UGT2B4: variants seen among roughly 807,000 people sequenced by gnomAD.
UGT2B4 encodes UDP glucuronosyltransferase family 2 member B4, also known as UDP-glucuronosyltransferase 2B4.
UGT2B4 carries 49 observed loss-of-function variants against 49.8 expected under a neutral mutation model. That is an observed-to-expected ratio of 0.98 (90% confidence interval 0.78 to 1.25). The LOEUF is 1.25. Ranked by LOEUF, UGT2B4 falls within the 50% of genes most tolerant of loss-of-function variation. UGT2B4 has a pLI of 0.00. For missense variants in UGT2B4, 729 were observed against 627.7 expected, an observed-to-expected ratio of 1.16 and a Z score of -1.73; for synonymous variants, 246 against 217.7, an observed-to-expected ratio of 1.13 and a Z score of -1.14.
chr4:69,494,820 A>G (rs539822876), intron 1 of UGT2B4, among the ~76,000 whole-genome samples: 1 of 152,304 alleles, frequency 6.6e-6, no homozygotes, highest in African/African-American at 2.4e-5. Flanking sequence ...ATGTTTCTGA[A>G]TAAGTCTGAC....
intron 5 of UGT2B4, among the ~76,000 whole-genome samples, 189 bp downstream of exon 5, chr4:69,485,019 T>C (rs560808509): frequency 4.6e-5 from 7 of 152,298 alleles, no homozygotes; most frequent in African/African-American, 1.7e-4. Context: ...AATTGATTAT[T>C]CATTAAATGT....
chr4:69,489,853 C>A (rs886303403), intron 2 of UGT2B4, among the ~76,000 whole-genome samples: 3 of 151,754 alleles, frequency 2.0e-5, no homozygotes, highest in African/African-American at 7.3e-5. Flanking sequence ...GAGGAGATAC[C>A]CAAACTCTTC....
intron 1 of UGT2B4, chr4:69,518,305 G>A (rs1006583238): frequency 6.6e-6 from 1 of 152,136 alleles, no homozygotes; most frequent in Non-Finnish European, 1.5e-5. Context: ...AATGGCTGAT[G>A]TTACAGTGCT....
upstream of UGT2B4, among the ~76,000 whole-genome samples, chr4:69,498,214 G>A (rs942307001): frequency 3.3e-5 from 5 of 152,254 alleles, no homozygotes; most frequent in African/African-American, 1.2e-4. Context: ...TTGCTTTATT[G>A]TAGTAGCCTG....
intron 1 of UGT2B4, among the ~76,000 whole-genome samples, chr4:69,523,447 C>T (rs1279184014): frequency 2.0e-5 from 3 of 152,056 alleles, no homozygotes; most frequent in South Asian, 4.1e-4. Flanking sequence ...CATTAGCATG[C>T]GCCTTGTCAT....
intron 1 of UGT2B4, among the ~76,000 whole-genome samples, chr4:69,512,805 G>A (rs551360438): frequency 6.6e-6 from 1 of 152,226 alleles, no homozygotes; most frequent in East Asian, 1.9e-4. Context: ...ATGTCTCATT[G>A]TGGTTTTAAT....
intron 5 of UGT2B4, among the ~76,000 whole-genome samples, chr4:69,482,330 A>G (rs1727617322): frequency 6.6e-6 from 1 of 152,232 alleles, no homozygotes; most frequent in Non-Finnish European, 1.5e-5. Flanking sequence ...GTCTTCTAAA[A>G]TACACATTTA....
chr4:69,487,142 T>A (rs1182995127), intron 3 of UGT2B4, among the ~76,000 whole-genome samples: 1 of 152,194 alleles, frequency 6.6e-6, no homozygotes, highest in East Asian at 1.9e-4. Context: ...GAAGGGACTG[T>A]AAGTTCAACC....
rs1379907199 is a variant in UGT2B4, at chr4:69,485,409, G to A, written c.1109C>T (p.Ala370Val). 2 of 1,613,766 alleles carry A rather than the reference G, an allele frequency of 1.2e-6. No individual in the cohort carries two copies. Among genetic ancestry groups the A allele is most frequent in the Admixed American group, 1.7e-5 (1 of 59,982 alleles). ...NDLLGHPKTR[A>V]FITHGGANGI... ...ATTGGCTCCACCATGAGTTATAAAA[G>A]CTCTGGTTTTTGGGTGACCTAGGAT... Residue 370 changes from alanine to valine, a missense_variant, in exon 5 of 6, where the codon GCT becomes GTT. Transcript: ENST00000305107.
chr4:69,521,938 C>T (rs2109835044), intron 1 of UGT2B4, among the ~76,000 whole-genome samples: 1 of 152,244 alleles, frequency 6.6e-6, no homozygotes, highest in East Asian at 1.9e-4. Flanking sequence ...TCAAATGATG[C>T]AGCAAGTGTA....
chr4:69,486,607 AC>A lies in UGT2B4; in HGVS notation c.1090+1del. On this transcript the variant is annotated splice_donor_variant, in intron 4 of 5. Coordinates refer to ENST00000305107, the MANE Select transcript of UGT2B4 (RefSeq NM_021139.3). LOFTEE classifies it high-confidence loss of function. ...TTCAGTATTTGTTCTTCAGAGACTT[AC>A]CAAGAAGATCATTCTGGGGTATCCA... The A allele has an allele frequency of 6.3e-7, 1 of 1,586,736 alleles. No individual in the cohort carries two copies.
chr4:69,512,212 T>C (rs1168756245), intron 1 of UGT2B4, among the ~76,000 whole-genome samples: 1 of 152,046 alleles, frequency 6.6e-6, no homozygotes, highest in Admixed American at 6.6e-5. Context: ...TTCTTGGCTC[T>C]TTTATGTGTA....
At chr4:69,502,145 CT>C (rs1407559038) in intron 1 of UGT2B4, among the ~76,000 whole-genome samples, 3 of 115,154 alleles carry the variant, frequency 2.6e-5, no homozygotes, top group African/African-American at 6.8e-5. Context: ...TTCTTTCTTT[CT>C]TTCTCTTTCT....
At chr4:69,492,999 T>C (rs1728036142) in intron 2 of UGT2B4, among the ~76,000 whole-genome samples, 1 of 152,138 alleles carries the variant, frequency 6.6e-6, no homozygotes, top group African/African-American at 2.4e-5. Flanking sequence ...TCCCTAAATG[T>C]GCTTAATAAA....
intron 1 of UGT2B4, among the ~76,000 whole-genome samples, chr4:69,505,528 A>G (rs1728445230): frequency 6.6e-6 from 1 of 152,336 alleles, no homozygotes; most frequent in Non-Finnish European, 1.5e-5. Flanking sequence ...TATCCTAAAT[A>G]TAAATGCACC....
At chr4:69,506,500 T>G (rs1728471361) in intron 1 of UGT2B4, among the ~76,000 whole-genome samples, 1 of 152,138 alleles carries the variant, frequency 6.6e-6, no homozygotes, top group East Asian at 1.9e-4. Flanking sequence ...TGGAATTATA[T>G]ACCCTCCAAA....
intron 1 of UGT2B4, among the ~76,000 whole-genome samples, chr4:69,504,877 G>T (rs929867878): frequency 6.6e-6 from 1 of 151,982 alleles, no homozygotes; most frequent in African/African-American, 2.4e-5. Context: ...ACCTACAAAG[G>T]GAAGCCCATA....
At position 69,495,545 on chromosome 4, in the gene UGT2B4, C is replaced by A. The variant is rs1728131701; in HGVS notation, c.317G>T (p.Trp106Leu). 1 of 1,613,320 alleles carries A rather than the reference C, an allele frequency of 6.2e-7. No individual in the cohort carries two copies. Among genetic ancestry groups the A allele is most frequent in the Non-Finnish European group, 8.5e-7 (1 of 1,179,646 alleles). ...RWAELPKDTF[W>L]SYFSQVQEIM... The stretch of plus-strand genomic sequence containing the variant: ...TTCTTGTACTTGTGAAAAATATGAC[C>A]AAAATGTGTCTTTTGGAAGTTCTGC... The change falls in exon 1 of 6, where the codon TGG becomes TTG. Residue 106 changes from tryptophan to leucine, a missense_variant. Trp to Leu is a moderately conservative substitution (Grantham distance 61). Coordinates refer to ENST00000305107, the MANE Select transcript of UGT2B4 (RefSeq NM_021139.3).
At chr4:69,495,967 C>T, upstream of UGT2B4, 1 of 1,483,826 alleles carries the variant, frequency 6.7e-7, no homozygotes, top group Non-Finnish European at 9.0e-7. Flanking sequence ...AACTTTTACA[C>T]TTCAAAGTAA....
Sources: allele counts gnomAD v4.1 joint callset (sites outside exome capture counted in the v4.1 genomes callset), GRCh38; gene constraint gnomAD v4.1.1; transcripts MANE v1.5; gene names NCBI Gene and HGNC (gene_info 2026-07-23, HGNC 2026-07-21).